Variants in NTM observed in about 807,000 individuals in gnomAD.
The protein encoded by NTM is neurotrimin.
Under a neutral mutation model 42.1 loss-of-function variants are expected in NTM, and 13 were observed. That is an observed-to-expected ratio of 0.31 (90% CI 0.20 to 0.49). NTM has a LOEUF of 0.49. Ranked by LOEUF, NTM falls within the 20% of genes least tolerant of loss-of-function variation. The pLI is 0.99. For synonymous variants in NTM, 187 were observed against 179.2 expected (o/e 1.04, Z -0.35); for missense variants, 373 against 452.8 (o/e 0.82, Z 1.60).
chr11:132,222,276 C>T (rs753500353), intron 4 of NTM, among the ~76,000 whole-genome samples: 2 of 152,332 alleles, frequency 1.3e-5, no homozygotes, highest in African/African-American at 2.4e-5. Context: ...ATGGCCGTGG[C>T]GCACAGGACG....
intron 1 of NTM, among the ~76,000 whole-genome samples, chr11:131,461,959 C>T (rs1201370310): frequency 1.3e-5 from 2 of 152,174 alleles, no homozygotes; most frequent in Non-Finnish European, 2.9e-5. Flanking sequence ...TATGCACACA[C>T]AAAACTGCAT....
At chr11:131,798,242 G>T (rs1565565393) in intron 1 of NTM, among the ~76,000 whole-genome samples, 1 of 152,266 alleles carries the variant, frequency 6.6e-6, no homozygotes, top group East Asian at 1.9e-4. Context: ...CCGTCTGCAG[G>T]CTCCCCTGGG....
intron 1 of NTM, among the ~76,000 whole-genome samples, chr11:131,523,757 T>C (rs2050066455): frequency 8.3e-6 from 1 of 120,762 alleles, no homozygotes; most frequent in Admixed American, 1.2e-4. Context: ...CACTCTAGCC[T>C]GGCTGACAGA....
intron 1 of NTM, among the ~76,000 whole-genome samples, chr11:131,470,077 A>G (rs1437939966): frequency 2.0e-5 from 3 of 152,236 alleles, no homozygotes. Context: ...TGTCTCATCT[A>G]CATGGACACT....
At chr11:131,605,454 T>C (rs1475287867) in intron 1 of NTM, among the ~76,000 whole-genome samples, 1 of 152,238 alleles carries the variant, frequency 6.6e-6, no homozygotes. Context: ...ACTTTCTTAG[T>C]GGTTTCCTTG....
At chr11:131,764,854 G>A (rs2084858169) in intron 1 of NTM, among the ~76,000 whole-genome samples, 2 of 152,102 alleles carry the variant, frequency 1.3e-5, no homozygotes, top group South Asian at 4.1e-4. Flanking sequence ...CATCATAACA[G>A]TTAAAGAGAG....
chr11:132,092,604 C>G (rs148105782), intron 2 of NTM, among the ~76,000 whole-genome samples: 8 of 152,272 alleles, frequency 5.3e-5, no homozygotes, highest in East Asian at 3.9e-4. Context: ...CCATCATGCT[C>G]CAAGGTTCCA....
In NTM at chr11:131,458,300, C is replaced by T. The variant is rs575151143; in HGVS notation, c.82+87412C>T. Among the ~76,000 whole-genome samples the T allele has an allele frequency of 6.6e-5, 10 of 152,264 alleles. No individual in the cohort carries two copies. The South Asian group carries it at 2.1e-3, about 32-fold the overall frequency. On this transcript the variant is annotated intron_variant, in intron 1 of 8. Transcript: ENST00000683400. ...AAGAGACTGCTGGGTTTGGCTATGC[C>T]GAGATCACCTGTGACCTGACAAAAG...
At chr11:131,789,806 A>G (rs975225450) in intron 1 of NTM, among the ~76,000 whole-genome samples, 1 of 150,070 alleles carries the variant, frequency 6.7e-6, no homozygotes, top group Admixed American at 6.6e-5. Flanking sequence ...AATACAAAAA[A>G]TTAGCCGGGT....
intron 1 of NTM, among the ~76,000 whole-genome samples, chr11:131,550,680 G>A (rs137882867): frequency 0.019 from 2,957 of 152,070 alleles, 97 homozygotes; most frequent in African/African-American, 0.067. Flanking sequence ...CCCAGTTTCA[G>A]GTATTTCTTC....
chr11:131,897,697 G>A (rs1198675332), intron 1 of NTM, among the ~76,000 whole-genome samples: 1 of 152,182 alleles, frequency 6.6e-6, no homozygotes. Flanking sequence ...ACCTCTTGAT[G>A]GAACACCTGG....
At chr11:131,794,369 G>A (rs2091308967) in intron 1 of NTM, 1 of 411,808 alleles carries the variant, frequency 2.4e-6, no homozygotes, top group Non-Finnish European at 3.3e-6. Flanking sequence ...TCATGTAATT[G>A]ATCTGCAATA....
At chr11:131,540,692 G>C (rs1325697314) in intron 1 of NTM, 1 of 152,178 alleles carries the variant, frequency 6.6e-6, no homozygotes, top group South Asian at 2.1e-4. Flanking sequence ...AGACTTAAAG[G>C]TGTATCACTA....
intron 4 of NTM, among the ~76,000 whole-genome samples, chr11:132,264,799 A>G (rs1849355095): frequency 6.6e-6 from 1 of 152,190 alleles, no homozygotes; most frequent in South Asian, 2.1e-4. Context: ...TTTCCGACAG[A>G]CATAACTGCC....
chr11:132,031,342 A>T (rs1194947408), intron 2 of NTM, among the ~76,000 whole-genome samples: 1 of 152,220 alleles, frequency 6.6e-6, no homozygotes, highest in Non-Finnish European at 1.5e-5. Context: ...CTCTGGGACC[A>T]TGAGAATAGA....
At chr11:131,973,033 TAAAGA>T (rs1177002132) in intron 2 of NTM, among the ~76,000 whole-genome samples, 1 of 152,194 alleles carries the variant, frequency 6.6e-6, no homozygotes, top group East Asian at 1.9e-4. Context: ...TTTACTTAAG[TAAAGA>T]AAAGATTCGT....
intron 1 of NTM, among the ~76,000 whole-genome samples, chr11:131,428,694 A>G (rs1486673461): frequency 6.6e-6 from 1 of 152,146 alleles, no homozygotes; most frequent in African/African-American, 2.4e-5. Flanking sequence ...TCTGACACAT[A>G]GTAGAGCCTC....
chr11:131,939,568 G>A (rs501981), intron 2 of NTM, among the ~76,000 whole-genome samples: 120,256 of 151,882 alleles, frequency 0.79, 47,767 homozygotes, highest in East Asian at 0.94. Flanking sequence ...GAGGGAGTAT[G>A]GCGCTGGAGA....
At chr11:132,186,079 AAT>A (rs1424127690) in intron 3 of NTM, among the ~76,000 whole-genome samples, 2 of 152,208 alleles carry the variant, frequency 1.3e-5, no homozygotes, top group Admixed American at 1.3e-4. Context: ...GAAATCAATA[AAT>A]CCCAGGCTTT....
Sources: gnomAD v4.1 joint callset for allele counts (sites outside exome capture counted in the v4.1 genomes callset) on GRCh38, gnomAD v4.1.1 for gene constraint, MANE v1.5 for transcripts, NCBI Gene and HGNC (gene_info 2026-07-23, HGNC 2026-07-21) for gene names.